Variants in INPP5F observed in about 807,000 individuals in gnomAD.
The protein encoded by INPP5F is inositol polyphosphate-5-phosphatase F.
In INPP5F, 97 loss-of-function variants were observed where a neutral mutation model predicts 137.2. The observed-to-expected ratio is 0.71, with a 90% CI of 0.60 to 0.84. The LOEUF (loss-of-function observed/expected upper bound fraction) is 0.84. INPP5F is among the 40% of genes least tolerant of loss of function. INPP5F has a pLI of 0.00. For synonymous variants in INPP5F, 504 were observed against 476.9 expected, an observed-to-expected ratio of 1.06 and a Z score of -0.74; for missense variants, 1,271 against 1,371.9, an observed-to-expected ratio of 0.93 and a Z score of 1.16.
intron 2 of INPP5F, among the ~76,000 whole-genome samples, chr10:119,778,920 TC>T (rs1849611198): frequency 6.6e-6 from 1 of 152,156 alleles, no homozygotes; most frequent in Non-Finnish European, 1.5e-5. Flanking sequence ...TTACCGTTGT[TC>T]TAAGAGTCAG....
intron 2 of INPP5F, among the ~76,000 whole-genome samples, chr10:119,761,244 T>A (rs763583708): frequency 6.6e-6 from 1 of 152,234 alleles, no homozygotes; most frequent in Non-Finnish European, 1.5e-5. Context: ...TCTCTTGCTC[T>A]AGATGCTCTC....
Position 119,823,284 on chromosome 10 carries a change from T to C in INPP5F, c.2161+85T>C, listed in dbSNP as rs553064307. On this transcript the variant is annotated intron_variant, in intron 18 of 19. Coordinates refer to ENST00000650623, the MANE Select transcript of INPP5F (RefSeq NM_014937.4). ...CAAATGGAATTGGGGACATTTCATA[T>C]CATAACCAACTGAATGAGAGAGGGT... 9.6e-5 allele frequency: 127 copies of C among 1,326,860 alleles called. No homozygotes were observed. The African/African-American group carries it at 1.7e-3, about 18-fold the overall frequency. The allele number at this position is 1,326,860 out of a possible 1,614,324, so 82.2% of individuals were successfully genotyped here. A position where few individuals can be genotyped will look rare whatever the true frequency, so the allele number is the denominator to read the frequency against.
chr10:119,813,086 A>C (rs1236999091), intron 15 of INPP5F, among the ~76,000 whole-genome samples: 1 of 152,244 alleles, frequency 6.6e-6, no homozygotes, highest in Non-Finnish European at 1.5e-5. Context: ...ACTTTGGGAT[A>C]ATCAAAATTG....
chr10:119,826,146 A>G (rs2134307958), intron 19 of INPP5F: 1 of 396,252 alleles, frequency 2.5e-6, no homozygotes, highest in Middle Eastern at 6.4e-4. Context: ...ATTTACAGTC[A>G]GAGATGTCTT....
intron 15 of INPP5F, chr10:119,816,584 A>G (rs1351654011): frequency 6.6e-6 from 1 of 152,186 alleles, no homozygotes; most frequent in Non-Finnish European, 1.5e-5. Context: ...TCTCTTGATG[A>G]GAGATTTGGA....
At chr10:119,763,770 CAT>C (rs1849074744) in intron 2 of INPP5F, among the ~76,000 whole-genome samples, 1 of 152,214 alleles carries the variant, frequency 6.6e-6, no homozygotes, top group Non-Finnish European at 1.5e-5. Flanking sequence ...GTCTTTAAGT[CAT>C]AGCTCTCTTC....
intron 2 of INPP5F, among the ~76,000 whole-genome samples, chr10:119,765,741 CTG>C (rs34906556): frequency 0.29 from 36,948 of 127,278 alleles, 5,118 homozygotes; most frequent in East Asian, 0.38. Context: ...CAAGGGTAAA[CTG>C]TGTGTGTGTG....
chr10:119,745,311 CT>C (rs1026454179), intron 1 of INPP5F, among the ~76,000 whole-genome samples: 2 of 151,604 alleles, frequency 1.3e-5, no homozygotes, highest in Non-Finnish European at 2.9e-5. Flanking sequence ...AGCTCTTTTT[CT>C]TTTTTTGTTT....
In INPP5F at chr10:119,726,121, C is replaced by T. The variant is rs1042957677; in HGVS notation, c.-142C>T. 1.2e-5 allele frequency: 5 copies of T among 430,090 alleles called. No homozygotes were observed. The highest frequency in any genetic ancestry group is 9.4e-5 in the Admixed American group (2 of 21,220). 26.6% of individuals were successfully genotyped at this position (430,090 alleles called of 1,614,324 possible). On this transcript the variant is annotated 5_prime_UTR_variant, in exon 1 of 20. Transcript: ENST00000650623. ...TTCTCCTCCTACCGGTCGGGTGCCC[C>T]GGGGCGTTCCCTCTGCCGCTGCTTC...
rs762402364 is a variant in INPP5F, at chr10:119,808,037, T to G, written c.1546T>G (p.Tyr516Asp). 4 of 1,613,450 alleles carry G rather than the reference T, an allele frequency of 2.5e-6. No individual in the cohort carries two copies. The highest frequency in any genetic ancestry group is 2.5e-6 in the Non-Finnish European group (3 of 1,179,902). The change falls in exon 13 of 20, where the codon TAT becomes GAT. Residue 516 changes from tyrosine to aspartate, a missense_variant. Physicochemically the swap from Tyr to Asp is radical, Grantham distance 160. Around this residue, in one of 6 missense-constraint regions of INPP5F, gnomAD observed 593 missense variants for 712.4 expected, o/e 0.83. Coordinates refer to ENST00000650623, the MANE Select transcript of INPP5F (RefSeq NM_014937.4). ...TAATGGTGACTCCATTAGCAGACAG[T>G]ATGCTGGGACAGCTGCTCTGAAGGT... ...ANNGDSISRQYAGTAALKGDF... is the reference protein window; with the variant it reads ...ANNGDSISRQDAGTAALKGDF...
chr10:119,781,673 T>C lies in INPP5F; in HGVS notation c.217T>C (p.Leu73=), dbSNP rs775858862. Residue 73 remains leucine (L), a synonymous_variant, in exon 3 of 20, where the codon TTG becomes CTG. Coordinates refer to ENST00000650623, the MANE Select transcript of INPP5F (RefSeq NM_014937.4). The part of the protein sequence containing the change: ...WWLILIRQKA[L]VGKLPGDHEV... ...GCTTATTCTAATTCGGCAGAAAGCA[T>C]TGGTGGGCAAACTCCCAGGAGACCA... 6.2e-7 allele frequency: 1 copy of C among 1,612,756 alleles called. No individual in the cohort carries two copies. The highest frequency in any genetic ancestry group is 1.1e-5 in the South Asian group (1 of 90,810).
At chr10:119,820,234 G>T (rs17099321) in intron 15 of INPP5F, among the ~76,000 whole-genome samples, 1 of 151,942 alleles carries the variant, frequency 6.6e-6, no homozygotes, top group Non-Finnish European at 1.5e-5. Flanking sequence ...TCTAATTCTT[G>T]TTTTCATCAT....
At chr10:119,781,847 A>G in intron 3 of INPP5F, 76 bp downstream of exon 3, 1 of 1,201,410 alleles carries the variant, frequency 8.3e-7, no homozygotes, top group South Asian at 1.7e-5. Flanking sequence ...GGTTCAGTAG[A>G]CCAGAAACTT....
intron 1 of INPP5F, among the ~76,000 whole-genome samples, chr10:119,733,548 A>T (rs542963629): frequency 6.6e-6 from 1 of 152,226 alleles, no homozygotes; most frequent in African/African-American, 2.4e-5. Context: ...ACATCCTTTC[A>T]GAGCATGCAC....
At chr10:119,822,330 T>A (rs1227994034) in intron 16 of INPP5F, 101 bp from the exon 17 acceptor site, 2 of 548,780 alleles carry the variant, frequency 3.6e-6, no homozygotes, top group Non-Finnish European at 6.5e-6. Context: ...TGGAAGATTT[T>A]GTTAACTGTA....
At chr10:119,785,539 A>AGAGAGAGAGG (rs2134189960) in intron 3 of INPP5F, among the ~76,000 whole-genome samples, 1 of 135,528 alleles carries the variant, frequency 7.4e-6, no homozygotes, top group Non-Finnish European at 1.6e-5. Context: ...TCCGCTCGAG[A>AGAGAGAGAGG]GAGAGAGAGA....
chr10:119,818,505 A>ACGAAGG (rs914797549), intron 15 of INPP5F, among the ~76,000 whole-genome samples: 18 of 152,280 alleles, frequency 1.2e-4, no homozygotes, highest in Admixed American at 9.8e-4. Context: ...ACTGTCCCTG[A>ACGAAGG]CGAAGGCGAA....
intron 15 of INPP5F, among the ~76,000 whole-genome samples, chr10:119,820,003 T>C (rs1851490040): frequency 6.6e-6 from 1 of 152,170 alleles, no homozygotes; most frequent in Non-Finnish European, 1.5e-5. Context: ...TACAGTGGAA[T>C]TTGGAGACCA....
At chr10:119,802,278 A>T (rs1195657240) in intron 9 of INPP5F, among the ~76,000 whole-genome samples, 1 of 152,202 alleles carries the variant, frequency 6.6e-6, no homozygotes, top group Non-Finnish European at 1.5e-5. Flanking sequence ...GGATCAGCCG[A>T]TATGCTGGCA....
Sources: allele counts gnomAD v4.1 joint callset (sites outside exome capture counted in the v4.1 genomes callset), GRCh38; gene constraint gnomAD v4.1.1; regional missense constraint gnomAD v4.1.1; transcripts MANE v1.5; gene names NCBI Gene and HGNC (gene_info 2026-07-23, HGNC 2026-07-21).